ECT2L: variants seen among roughly 807,000 people sequenced by gnomAD.
ECT2L encodes epithelial cell-transforming sequence 2 oncogene-like.
Under a neutral mutation model 122.8 loss-of-function variants are expected in ECT2L, and 126 were observed. The ratio of observed to expected loss-of-function variants is 1.03; its 90% CI spans 0.89 to 1.19. The LOEUF (loss-of-function observed/expected upper bound fraction) is 1.19, where lower values mean the gene tolerates loss of function less well. ECT2L is among the 50% of genes most tolerant of loss of function. The pLI, the probability that ECT2L is intolerant of heterozygous loss-of-function variation, is 0.00. For synonymous variants in ECT2L, 385 were observed against 381.8 expected, an observed-to-expected ratio of 1.01 and a Z score of -0.10; for missense variants, 1,012 against 1,064.1, an observed-to-expected ratio of 0.95 and a Z score of 0.68.
At chr6:138,884,465 C>T (rs961709153) in intron 16 of ECT2L, among the ~76,000 whole-genome samples, 1 of 151,914 alleles carries the variant, frequency 6.6e-6, no homozygotes, top group African/African-American at 2.4e-5. Context: ...TGGTGAAACC[C>T]CGTCTCTACT....
At chr6:138,816,104 AT>A (rs1295938213) in intron 4 of ECT2L, among the ~76,000 whole-genome samples, 5 of 152,194 alleles carry the variant, frequency 3.3e-5, no homozygotes, top group Non-Finnish European at 7.4e-5. Flanking sequence ...GTCATTGGCT[AT>A]GTTTCTTTTT....
intron 13 of ECT2L, among the ~76,000 whole-genome samples, chr6:138,873,872 CTGTGTGTGTGTGTG>C (rs57839466): frequency 5.6e-5 from 4 of 71,378 alleles, no homozygotes; most frequent in East Asian, 6.1e-4. Context: ...AAATCCAGGA[CTGTGTGTGTGTGTG>C]TGTGTGTGTG....
intron 6 of ECT2L, among the ~76,000 whole-genome samples, chr6:138,843,574 AGAG>A (rs139595226): frequency 2.6e-5 from 4 of 152,322 alleles, no homozygotes; most frequent in South Asian, 2.1e-4. Context: ...AGTGATGAAA[AGAG>A]GAGGAGAAAT....
rs1777352303 is a variant in ECT2L at position 138,849,423 on chromosome 6, A to G, written c.1058A>G (p.Asn353Ser). The change falls in exon 9 of 22, where the codon AAT becomes AGT. Residue 353 changes from asparagine to serine, a missense_variant. Coordinates refer to ENST00000541398, the MANE Select transcript of ECT2L (RefSeq NM_001077706.3). ...AGCGATGGAGACAGCAGAGAAATCAATTTACTCCAAGGTAGGCCTGGGGAT... is the reference window on the plus strand; with the variant it reads ...AGCGATGGAGACAGCAGAGAAATCAGTTTACTCCAAGGTAGGCCTGGGGAT... ...IFSDGDSREI[N>S]LLQGYKIGVK... 2 of 1,613,160 alleles carry G rather than the reference A, an allele frequency of 1.2e-6. No homozygotes were observed. Among genetic ancestry groups the G allele is most frequent in the Non-Finnish European group, 1.7e-6 (2 of 1,179,662 alleles).
intron 19 of ECT2L, among the ~76,000 whole-genome samples, chr6:138,887,504 G>A (rs910133463): frequency 7.2e-5 from 11 of 152,132 alleles, no homozygotes; most frequent in African/African-American, 2.4e-4. Context: ...GATTACAGGC[G>A]TGAGCCACCA....
At chr6:138,805,826 A>C (rs1369054938) in intron 1 of ECT2L, among the ~76,000 whole-genome samples, 2 of 152,336 alleles carry the variant, frequency 1.3e-5, no homozygotes, top group South Asian at 4.1e-4. Context: ...CATCACTTCC[A>C]CAACATCATT....
At chr6:138,830,607 AT>A (rs372535195) in intron 4 of ECT2L, among the ~76,000 whole-genome samples, 1 of 151,856 alleles carries the variant, frequency 6.6e-6, no homozygotes, top group South Asian at 2.1e-4. Flanking sequence ...GGACTCTTGG[AT>A]TTTTTTCGGT....
At chr6:138,800,924 C>T (rs189226716) in intron 1 of ECT2L, among the ~76,000 whole-genome samples, 6 of 151,992 alleles carry the variant, frequency 3.9e-5, no homozygotes, top group Non-Finnish European at 5.9e-5. Flanking sequence ...GCTTCCAAGA[C>T]GATGCCTTGT....
intron 4 of ECT2L, among the ~76,000 whole-genome samples, chr6:138,829,236 G>A (rs2128382610): frequency 6.6e-6 from 1 of 152,056 alleles, no homozygotes; most frequent in Non-Finnish European, 1.5e-5. Context: ...CTCAGACTTG[G>A]GATACCATTT....
At chr6:138,875,313 G>A (rs1018716036) in intron 13 of ECT2L, among the ~76,000 whole-genome samples, 1 of 152,254 alleles carries the variant, frequency 6.6e-6, no homozygotes, top group African/African-American at 2.4e-5. Flanking sequence ...AGAGGCTCAG[G>A]CTGCCAGAGC....
At chr6:138,802,165 G>A (rs1397780665) in intron 1 of ECT2L, among the ~76,000 whole-genome samples, 4 of 152,222 alleles carry the variant, frequency 2.6e-5, no homozygotes, top group African/African-American at 4.8e-5. Flanking sequence ...AACAACCAGC[G>A]AAGAACTGAG....
At chr6:138,878,648 T>C (rs1459929515) in intron 14 of ECT2L, among the ~76,000 whole-genome samples, 2 of 151,830 alleles carry the variant, frequency 1.3e-5, no homozygotes, top group Non-Finnish European at 2.9e-5. Context: ...AGTTTTGCCA[T>C]GTTGGTCAGG....
chr6:138,846,488 A>G, intron 7 of ECT2L, 51 bp from the exon 8 acceptor site: 1 of 1,529,896 alleles, frequency 6.5e-7, no homozygotes, highest in Non-Finnish European at 8.8e-7. Flanking sequence ...ACTTACCAAA[A>G]CTCAAGGTAA....
rs747470215 is a variant in ECT2L, at chr6:138,886,855, A to G, written c.2260-2A>G. On this transcript the variant is annotated splice_acceptor_variant, in intron 18 of 21. Transcript: ENST00000541398. LOFTEE classifies it high-confidence loss of function. ...TGCCTAAAAGTACTTTTTTTCCCCT[A>G]GATGAAGCAAAACATCACTATGAAG... 6.2e-7 allele frequency: 1 copy of G among 1,612,538 alleles called. No individual in the cohort carries two copies. The highest frequency in any genetic ancestry group is 8.5e-7 in the Non-Finnish European group (1 of 1,179,074).
chr6:138,852,691 T>C (rs868699438), intron 9 of ECT2L, among the ~76,000 whole-genome samples: 10 of 152,224 alleles, frequency 6.6e-5, no homozygotes, highest in African/African-American at 2.2e-4. Flanking sequence ...CTTGTTTAGC[T>C]TACCTGTGCC....
intron 10 of ECT2L, among the ~76,000 whole-genome samples, chr6:138,862,178 T>A (rs1777857294): frequency 6.6e-6 from 1 of 152,216 alleles, no homozygotes; most frequent in South Asian, 2.1e-4. Context: ...GTTCTTGCAT[T>A]GCTATAAAGA....
At chr6:138,839,453 T>C (rs1348844045) in intron 5 of ECT2L, among the ~76,000 whole-genome samples, 3 of 151,852 alleles carry the variant, frequency 2.0e-5, no homozygotes, top group Admixed American at 2.0e-4. Flanking sequence ...AACCTCTGTC[T>C]CCCAGGCTCA....
intron 7 of ECT2L, among the ~76,000 whole-genome samples, chr6:138,845,676 A>G (rs1777194731): frequency 6.6e-6 from 1 of 152,224 alleles, no homozygotes; most frequent in Non-Finnish European, 1.5e-5. Flanking sequence ...CTAAAATTCC[A>G]GCACTCTTTC....
At chr6:138,813,055 A>G (rs1321674779) in intron 2 of ECT2L, 78 bp downstream of exon 2, 14 of 408,958 alleles carry the variant, frequency 3.4e-5, no homozygotes, top group Non-Finnish European at 5.6e-5. Context: ...ATATACACAG[A>G]TGAATTTTAT....
Sources: allele counts gnomAD v4.1 joint callset (sites outside exome capture counted in the v4.1 genomes callset), GRCh38; gene constraint gnomAD v4.1.1; transcripts MANE v1.5; gene names NCBI Gene and HGNC (gene_info 2026-07-23, HGNC 2026-07-21).